The following SCLT1 variants were observed in gnomAD, a reference collection of about 807,000 sequenced individuals.
SCLT1 encodes sodium channel-associated protein 1.
In SCLT1, 78 loss-of-function variants were observed where a neutral mutation model predicts 112.8. The ratio of observed to expected loss-of-function variants is 0.69; its 90% CI spans 0.58 to 0.83. The LOEUF is 0.83. SCLT1 is among the 40% of genes least tolerant of loss of function. The pLI, the probability that SCLT1 is intolerant of heterozygous loss-of-function variation, is 0.00. For missense variants in SCLT1, 747 were observed against 770.4 expected (o/e 0.97, Z 0.36); for synonymous variants, 257 against 254.7 (o/e 1.01, Z -0.09).
At chr4:129,049,190 CT>C (rs957106741) in intron 2 of SCLT1, among the ~76,000 whole-genome samples, 3 of 151,340 alleles carry the variant, frequency 2.0e-5, no homozygotes, top group African/African-American at 7.3e-5. Context: ...CGTATGTTTA[CT>C]GCGGCATTAT....
At chr4:129,046,940 C>T (rs1748240100) in intron 2 of SCLT1, among the ~76,000 whole-genome samples, 2 of 152,056 alleles carry the variant, frequency 1.3e-5, no homozygotes, top group South Asian at 4.1e-4. Context: ...AGTTACAAAG[C>T]ATTTTAAATA....
intron 18 of SCLT1, among the ~76,000 whole-genome samples, chr4:128,895,909 G>A (rs1182288503): frequency 1.1e-4 from 17 of 152,212 alleles, no homozygotes; most frequent in Admixed American, 1.1e-3. Flanking sequence ...CTGGCTTGAA[G>A]GGTCCTATGC....
intron 2 of SCLT1, among the ~76,000 whole-genome samples, chr4:129,063,970 T>G (rs1017074556): frequency 6.6e-6 from 1 of 152,232 alleles, no homozygotes; most frequent in Admixed American, 6.5e-5. Flanking sequence ...GCAGGAGTGA[T>G]GCAGGTGAAC....
At chr4:128,941,122 C>T (rs1014558205) in intron 17 of SCLT1, among the ~76,000 whole-genome samples, 1 of 151,974 alleles carries the variant, frequency 6.6e-6, no homozygotes, top group Non-Finnish European at 1.5e-5. Context: ...GGAAAACCTG[C>T]CCCCATGATT....
Position 129,039,061 on chromosome 4 carries a change from AT to A in SCLT1, c.269del (p.Asn90MetfsTer13). 2 of 1,588,630 alleles carry A rather than the reference AT, an allele frequency of 1.3e-6. No homozygotes were observed. Among genetic ancestry groups the A allele is most frequent in the Non-Finnish European group, 1.7e-6 (2 of 1,157,388 alleles). On this transcript the variant is annotated frameshift_variant, in exon 5 of 21. Transcript: ENST00000281142. LOFTEE classifies it high-confidence loss of function. The part of the protein sequence containing the change: ...QVGEMKLQLE[N>X]VIKENERLHS... ...TTTACCTTTCATTTTCCTTGATGAC[AT>A]TTTCAAGTTGTAATTTCATCTCACC...
intron 9 of SCLT1, among the ~76,000 whole-genome samples, chr4:128,980,157 T>C (rs889073815): frequency 3.9e-5 from 6 of 152,160 alleles, no homozygotes; most frequent in Admixed American, 2.0e-4. Flanking sequence ...GGGCCATTTC[T>C]CACATGGGAT....
chr4:128,882,175 A>G (rs776883641), downstream of SCLT1, among the ~76,000 whole-genome samples: 1 of 152,192 alleles, frequency 6.6e-6, no homozygotes, highest in Non-Finnish European at 1.5e-5. Flanking sequence ...TCAGACATAA[A>G]ATTCTAACAT....
intron 5 of SCLT1, among the ~76,000 whole-genome samples, chr4:129,018,750 A>C (rs1745200605): frequency 6.6e-6 from 1 of 152,154 alleles, no homozygotes; most frequent in Non-Finnish European, 1.5e-5. Flanking sequence ...AATATTTTTA[A>C]AGTATGTATT....
rs1158253074 is a variant in SCLT1, at chr4:129,023,767, G to T, written c.290+15274C>A. On this transcript the variant is annotated intron_variant, in intron 5 of 20. Transcript: ENST00000281142. ...TCACTCGGGAAGCGCAAGGGGTCAG[G>T]GAGTTCCCTTTCCTAGTCAAAGAAA... 2.0e-5 allele frequency among the ~76,000 whole-genome samples: 3 copies of T among 152,198 alleles called. No individual in the cohort carries two copies. The South Asian group carries it at 6.2e-4, about 32-fold the overall frequency.
chr4:129,030,622 A>C (rs1746624148), intron 5 of SCLT1, among the ~76,000 whole-genome samples: 1 of 152,102 alleles, frequency 6.6e-6, no homozygotes, highest in African/African-American at 2.4e-5. Flanking sequence ...AAAAATGATA[A>C]TGGGGATATC....
chr4:128,883,319 G>C (rs1185152159), downstream of SCLT1, among the ~76,000 whole-genome samples: 1 of 151,988 alleles, frequency 6.6e-6, no homozygotes, highest in Non-Finnish European at 1.5e-5. Context: ...TCACATCATG[G>C]AAGGCCCCAA....
chr4:129,068,196 T>C (rs188833562), intron 2 of SCLT1, among the ~76,000 whole-genome samples: 1 of 152,270 alleles, frequency 6.6e-6, no homozygotes, highest in East Asian at 1.9e-4. Context: ...TAAGTAGTAT[T>C]CCATCACATA....
At chr4:128,886,741 T>C (rs1732921315) in intron 20 of SCLT1, among the ~76,000 whole-genome samples, 2 of 152,154 alleles carry the variant, frequency 1.3e-5, no homozygotes, top group Admixed American at 6.6e-5. Flanking sequence ...ATCTTTGCCA[T>C]TGGAGAGTTT....
intron 12 of SCLT1, among the ~76,000 whole-genome samples, chr4:128,957,778 A>G (rs1254339945): frequency 2.6e-5 from 4 of 152,178 alleles, no homozygotes; most frequent in Non-Finnish European, 5.9e-5. Context: ...TTGATTATCT[A>G]TAAGTAAATT....
intron 15 of SCLT1, among the ~76,000 whole-genome samples, chr4:128,947,056 T>C (rs993832610): frequency 2.6e-5 from 4 of 152,240 alleles, no homozygotes; most frequent in Non-Finnish European, 5.9e-5. Flanking sequence ...GACTGCTTTG[T>C]CACTCTCTAT....
chr4:129,045,540 AC>A (rs1304419195), intron 2 of SCLT1, among the ~76,000 whole-genome samples: 10 of 152,226 alleles, frequency 6.6e-5, no homozygotes, highest in African/African-American at 9.6e-5. Flanking sequence ...AAAAAATGAT[AC>A]AATAGAATCC....
intron 5 of SCLT1, among the ~76,000 whole-genome samples, chr4:129,030,297 G>A (rs1746588522): frequency 6.6e-6 from 1 of 152,252 alleles, no homozygotes; most frequent in Non-Finnish European, 1.5e-5. Flanking sequence ...TAATCTCTGG[G>A]ACACAGCTAA....
At chr4:128,948,710 A>C in intron 14 of SCLT1, 140 bp from the exon 15 acceptor site, 1 of 628,862 alleles carries the variant, frequency 1.6e-6, no homozygotes, top group East Asian at 3.0e-5. Flanking sequence ...AAACAAAACA[A>C]AACTCAATAT....
rs187703677 is a variant in SCLT1 at position 128,954,544 on chromosome 4, A to G, written c.1147-1704T>C. Among the ~76,000 whole-genome samples, 874 of 152,046 alleles carry G rather than the reference A, an allele frequency of 5.7e-3. 7 individuals are homozygous for G. Among genetic ancestry groups the G allele is most frequent in the Middle Eastern group, 0.034 (10 of 294 alleles). On this transcript the variant is annotated intron_variant, in intron 13 of 20. Coordinates refer to ENST00000281142, the MANE Select transcript of SCLT1 (RefSeq NM_144643.4). ...TAGCCAGGATGGTCTCAGTCTCCTG[A>G]CCTCGTGATCTGCCCACCTCGGCCT...
Sources: allele counts gnomAD v4.1 joint callset (sites outside exome capture counted in the v4.1 genomes callset), GRCh38; gene constraint gnomAD v4.1.1; transcripts MANE v1.5; gene names NCBI Gene and HGNC (gene_info 2026-07-23, HGNC 2026-07-21).